Variants in DPP6 observed in about 807,000 individuals in gnomAD.
DPP6 encodes dipeptidyl peptidase like 6.
DPP6 carries 69 observed loss-of-function variants against 122.6 expected under a neutral mutation model. The ratio of observed to expected loss-of-function variants is 0.56; its 90% CI spans 0.46 to 0.69. The LOEUF is 0.69. DPP6 is among the 30% of genes least tolerant of loss of function. The pLI, the probability that DPP6 is intolerant of heterozygous loss-of-function variation, is 0.00. For missense variants in DPP6, 928 were observed against 1,116.9 expected (o/e 0.83, Z 2.41); for synonymous variants, 418 against 433.1 (o/e 0.97, Z 0.43).
chr7:154,879,692 C>T (rs989945496), intron 20 of DPP6, among the ~76,000 whole-genome samples: 2 of 152,060 alleles, frequency 1.3e-5, no homozygotes, highest in Admixed American at 6.5e-5. Flanking sequence ...GCAGAGGTTG[C>T]GGTGAGCCAC....
At chr7:154,583,581 T>A (rs953348581) in intron 5 of DPP6, among the ~76,000 whole-genome samples, 1 of 152,136 alleles carries the variant, frequency 6.6e-6, no homozygotes, top group Non-Finnish European at 1.5e-5. Flanking sequence ...CAAAACGCGA[T>A]ACACTGAGTG....
At chr7:154,661,063 G>A (rs569692814) in intron 6 of DPP6, among the ~76,000 whole-genome samples, 17 of 19,106 alleles carry the variant, frequency 8.9e-4, no homozygotes, top group East Asian at 4.5e-3. Context: ...CGTATTGGCC[G>A]TAGTGTTCAT....
At chr7:154,490,576 T>C (rs540641128) in intron 3 of DPP6, among the ~76,000 whole-genome samples, 1 of 152,368 alleles carries the variant, frequency 6.6e-6, no homozygotes, top group East Asian at 1.9e-4. Flanking sequence ...CTCACTCCCA[T>C]CTCAAACACC....
chr7:154,341,658 T>C (rs1402786610), intron 1 of DPP6, among the ~76,000 whole-genome samples: 1 of 151,806 alleles, frequency 6.6e-6, no homozygotes, highest in Non-Finnish European at 1.5e-5. Context: ...TATTATTCAA[T>C]TTCTTGTCCC....
intron 7 of DPP6, among the ~76,000 whole-genome samples, chr7:154,720,163 G>T (rs111642721): frequency 0.014 from 2,092 of 152,292 alleles, 43 homozygotes; most frequent in African/African-American, 0.044. Context: ...AGATGCCAAC[G>T]AAAACAGAGC....
intron 1 of DPP6, among the ~76,000 whole-genome samples, chr7:154,029,985 CA>C (rs1279370539): frequency 8.5e-5 from 13 of 152,148 alleles, no homozygotes; most frequent in African/African-American, 3.1e-4. Flanking sequence ...CACTTGAGGC[CA>C]GGTGTTTGAA....
intron 4 of DPP6, among the ~76,000 whole-genome samples, chr7:154,541,667 T>C (rs2130264335): frequency 6.6e-6 from 1 of 152,344 alleles, no homozygotes; most frequent in East Asian, 1.9e-4. Flanking sequence ...GTTAAAGCTA[T>C]GTTAAAAAGC....
At chr7:154,571,257 A>G (rs1051267018) in intron 5 of DPP6, among the ~76,000 whole-genome samples, 16 of 152,330 alleles carry the variant, frequency 1.1e-4, no homozygotes, top group African/African-American at 3.8e-4. Context: ...ATTGAGATAT[A>G]TTTGACAAAT....
chr7:154,275,463 C>T (rs4556012), intron 1 of DPP6, among the ~76,000 whole-genome samples: 12,434 of 152,230 alleles, frequency 0.082, 552 homozygotes, highest in Middle Eastern at 0.13. Context: ...CACCAGGTCT[C>T]GGGGCCTCTC....
intron 4 of DPP6, among the ~76,000 whole-genome samples, chr7:154,558,724 G>A (rs746861744): frequency 4.3e-4 from 66 of 152,316 alleles, no homozygotes; most frequent in Middle Eastern, 3.4e-3. Flanking sequence ...ATCTAGGTTC[G>A]TGTAGGTACT....
chr7:153,836,935 A>G, the DPP6 span, among the ~76,000 whole-genome samples: 9 of 152,200 alleles, frequency 5.9e-5, no homozygotes, highest in African/African-American at 1.9e-4. Context: ...CTTGTGGCTC[A>G]TAAGAGAGTG....
chr7:154,293,905 T>G (rs1805365639), intron 1 of DPP6, among the ~76,000 whole-genome samples: 1 of 152,186 alleles, frequency 6.6e-6, no homozygotes, highest in South Asian at 2.1e-4. Flanking sequence ...GTTTCCTGTG[T>G]GCTAAGCGCA....
chr7:154,032,874 CTTG>C (rs1799323013), intron 1 of DPP6, among the ~76,000 whole-genome samples: 1 of 149,526 alleles, frequency 6.7e-6, no homozygotes, highest in South Asian at 2.2e-4. Context: ...CCCCTACCCC[CTTG>C]TTGTGTGGGG....
At chr7:154,872,137 C>T (rs3823530) in intron 18 of DPP6, among the ~76,000 whole-genome samples, 23,524 of 152,178 alleles carry the variant, frequency 0.15, 2,178 homozygotes, top group East Asian at 0.5. Flanking sequence ...TGCACAGAGG[C>T]ACTGCCATGG....
chr7:154,113,149 A>G (rs576630531), intron 1 of DPP6, among the ~76,000 whole-genome samples: 1 of 152,300 alleles, frequency 6.6e-6, no homozygotes, highest in East Asian at 1.9e-4. Flanking sequence ...TGGTTTCCAC[A>G]TTTGGGCTAT....
chr7:153,951,153 T>A (rs1802192887), intron 1 of DPP6, among the ~76,000 whole-genome samples: 1 of 152,108 alleles, frequency 6.6e-6, no homozygotes, highest in South Asian at 2.1e-4. Context: ...TGCACTTTGG[T>A]GGCCCTGGCG....
chr7:153,772,231 G>A, the DPP6 span, among the ~76,000 whole-genome samples: 4 of 152,064 alleles, frequency 2.6e-5, no homozygotes, highest in East Asian at 1.9e-4. Context: ...TTACAGGCAC[G>A]CACCATCACG....
chr7:154,199,163 G>C (rs1029657164), intron 1 of DPP6, among the ~76,000 whole-genome samples: 1 of 151,990 alleles, frequency 6.6e-6, no homozygotes, highest in Non-Finnish European at 1.5e-5. Flanking sequence ...ATTGCAAGTC[G>C]TCAGGAGTTT....
chr7:154,173,771 G>T (rs12531574), intron 1 of DPP6, among the ~76,000 whole-genome samples: 2 of 151,964 alleles, frequency 1.3e-5, no homozygotes, highest in Non-Finnish European at 1.5e-5. Context: ...GGCTCACCAA[G>T]GAACGACCAC....
Sources: gnomAD v4.1 joint callset for allele counts (sites outside exome capture counted in the v4.1 genomes callset) on GRCh38, gnomAD v4.1.1 for gene constraint, MANE v1.5 for transcripts, NCBI Gene and HGNC (gene_info 2026-07-23, HGNC 2026-07-21) for gene names.